The following PLAAT5 variants were observed in gnomAD, a reference collection of about 807,000 sequenced individuals.
The protein encoded by PLAAT5 is Ca(2+)-independent N-acyltransferase.
Under a neutral mutation model 27.8 loss-of-function variants are expected in PLAAT5, and 27 were observed. That is an observed-to-expected ratio of 0.97 (90% confidence interval 0.72 to 1.34). The LOEUF is 1.34. Ranked by LOEUF, PLAAT5 falls within the 40% of genes most tolerant of loss-of-function variation. The pLI, the probability that PLAAT5 is intolerant of heterozygous loss-of-function variation, is 0.00. For synonymous variants in PLAAT5, 125 were observed against 136.1 expected (o/e 0.92, Z 0.57); for missense variants, 368 against 343.8 (o/e 1.07, Z -0.56).
chr11:63,484,758 A>G (rs1290539291), intron 3 of PLAAT5, among the ~76,000 whole-genome samples: 1 of 152,230 alleles, frequency 6.6e-6, no homozygotes, highest in Non-Finnish European at 1.5e-5. Context: ...CACTTTCACC[A>G]CATTTATTCG....
intron 3 of PLAAT5, among the ~76,000 whole-genome samples, chr11:63,483,785 ATATATATATATATATGTATATAT>A (rs1357033658): frequency 0.034 from 3,020 of 88,584 alleles, 209 homozygotes; most frequent in East Asian, 0.18. Flanking sequence ...CAAAAAAAAA[ATATATATATATATATGTATATAT>A]ATATATATAT....
chr11:63,465,925 A>C lies in PLAAT5; in HGVS notation c.717+185T>G, dbSNP rs1013839107. On this transcript the variant is annotated intron_variant, in intron 5 of 5. Coordinates refer to ENST00000540857, the MANE Select transcript of PLAAT5 (RefSeq NM_001146729.2). ...TTACTATTAGCCCAGTGCCTTTTCT[A>C]CTCCTCCCTGGGTTAATAAAGGTGA... Among the ~76,000 whole-genome samples the C allele has an allele frequency of 4.6e-5, 7 of 152,012 alleles. No individual in the cohort carries two copies. The South Asian group carries it at 1.2e-3, about 27-fold the overall frequency.
intron 1 of PLAAT5, chr11:63,490,613 A>G: frequency 3.3e-6 from 2 of 603,224 alleles, no homozygotes; most frequent in East Asian, 2.9e-5. Flanking sequence ...GATGGGAGGA[A>G]CCTCTGCCGA....
chr11:63,465,107 A>G (rs1201763476), intron 5 of PLAAT5, among the ~76,000 whole-genome samples: 1 of 151,752 alleles, frequency 6.6e-6, no homozygotes, highest in Non-Finnish European at 1.5e-5. Context: ...GCAAAACCCC[A>G]TTTCTACTCA....
chr11:63,482,497 T>G (rs1361771704), intron 3 of PLAAT5, among the ~76,000 whole-genome samples: 2 of 152,202 alleles, frequency 1.3e-5, no homozygotes, highest in Non-Finnish European at 2.9e-5. Flanking sequence ...GCCAAGAATT[T>G]TGTATCCAGC....
chr11:63,483,344 A>C (rs2016329227), intron 3 of PLAAT5, among the ~76,000 whole-genome samples: 1 of 152,174 alleles, frequency 6.6e-6, no homozygotes, highest in African/African-American at 2.4e-5. Context: ...GCCAAGATAG[A>C]TCATTTGATA....
At chr11:63,490,858 T>C (rs751685117) in intron 1 of PLAAT5, 29 bp downstream of exon 1, 9 of 1,578,958 alleles carry the variant, frequency 5.7e-6, no homozygotes, top group Non-Finnish European at 7.7e-6. Flanking sequence ...AATTGCGGAT[T>C]GTCCTTCAGC....
chr11:63,466,046 A>G, intron 5 of PLAAT5, 64 bp downstream of exon 5: 1 of 1,519,914 alleles, frequency 6.6e-7, no homozygotes, highest in Non-Finnish European at 9.0e-7. Flanking sequence ...TCTGATCACT[A>G]ATGAAATGAC....
intron 3 of PLAAT5, among the ~76,000 whole-genome samples, chr11:63,482,452 C>T (rs1002640534): frequency 2.0e-5 from 3 of 152,150 alleles, no homozygotes; most frequent in Admixed American, 2.0e-4. Flanking sequence ...GGACTGGGGT[C>T]CTATCTTTAG....
chr11:63,491,150 G>A lies in PLAAT5; in HGVS notation c.-116C>T. ...CCGCGGAAGCTTGGGCACTGGGGGC[G>A]GCTCGGGGAGGAACCGCGGAGGGGA... On this transcript the variant is annotated 5_prime_UTR_variant, in exon 1 of 6. Coordinates refer to ENST00000540857, the MANE Select transcript of PLAAT5 (RefSeq NM_001146729.2). 1 of 911,012 alleles carries A rather than the reference G, an allele frequency of 1.1e-6. No homozygotes were observed. The highest frequency in any genetic ancestry group is 1.7e-5 in the African/African-American group (1 of 57,304). 56.4% of individuals were successfully genotyped at this position (911,012 alleles called of 1,614,324 possible).
intron 3 of PLAAT5, among the ~76,000 whole-genome samples, chr11:63,475,353 A>G (rs1379433616): frequency 6.6e-6 from 1 of 152,042 alleles, no homozygotes; most frequent in South Asian, 2.1e-4. Flanking sequence ...TATGTTTATA[A>G]TTGTTATATC....
At chr11:63,480,038 A>G (rs376325692) in intron 3 of PLAAT5, among the ~76,000 whole-genome samples, 2 of 152,016 alleles carry the variant, frequency 1.3e-5, no homozygotes, top group East Asian at 3.9e-4. Flanking sequence ...ACCATCCACC[A>G]TATCTAGTGG....
rs1216562528 is a variant in PLAAT5, at chr11:63,490,939, G to C, written c.96C>G (p.Thr32=). 6.2e-7 allele frequency: 1 copy of C among 1,601,356 alleles called. No individual in the cohort carries two copies. The highest frequency in any genetic ancestry group is 8.5e-7 in the Non-Finnish European group (1 of 1,174,308). ...GCGCAGGCGGCTGGTCCTTGGGCCC[G>C]GTACTGGCGGTTCGCGAGGCGGGTT... The part of the protein sequence containing the change: ...LPKPASRTAS[T]GPKDQPPALR... Residue 32 remains threonine (T), a synonymous_variant, in exon 1 of 6, where the codon ACC becomes ACG. Transcript: ENST00000540857.
chr11:63,465,505 T>C (rs112841690), intron 5 of PLAAT5, among the ~76,000 whole-genome samples: 2,525 of 151,590 alleles, frequency 0.017, 62 homozygotes, highest in African/African-American at 0.058. Flanking sequence ...GAAGAAATGG[T>C]CTTTGGCCAG....
intron 3 of PLAAT5, among the ~76,000 whole-genome samples, chr11:63,473,023 T>C (rs2016066738): frequency 6.6e-6 from 1 of 151,954 alleles, no homozygotes; most frequent in African/African-American, 2.4e-5. Context: ...GGCACGAGAA[T>C]CGCTTGAATC....
intron 3 of PLAAT5, among the ~76,000 whole-genome samples, chr11:63,475,575 C>G (rs553405246): frequency 6.6e-6 from 1 of 151,920 alleles, no homozygotes; most frequent in East Asian, 1.9e-4. Flanking sequence ...TGATCTCTGC[C>G]TTTTTTTGGT....
At chr11:63,478,645 C>G (rs930741965) in intron 3 of PLAAT5, among the ~76,000 whole-genome samples, 3 of 152,218 alleles carry the variant, frequency 2.0e-5, no homozygotes, top group African/African-American at 4.8e-5. Context: ...CCTTCTCAAT[C>G]TGTTGTATGG....
chr11:63,464,816 T>C (rs1169029867), intron 5 of PLAAT5, among the ~76,000 whole-genome samples: 1 of 152,140 alleles, frequency 6.6e-6, no homozygotes, highest in Non-Finnish European at 1.5e-5. Flanking sequence ...TACTTCTCTA[T>C]ATGGGAGGAA....
intron 3 of PLAAT5, 122 bp downstream of exon 3, chr11:63,488,749 T>C (rs2016494791): frequency 5.3e-6 from 3 of 562,406 alleles, no homozygotes; most frequent in Non-Finnish European, 9.6e-6. Context: ...ACGTTTCTTC[T>C]TCCAGTGTGG....
Sources: gnomAD v4.1 joint callset for allele counts (sites outside exome capture counted in the v4.1 genomes callset) on GRCh38, gnomAD v4.1.1 for gene constraint, MANE v1.5 for transcripts, NCBI Gene and HGNC (gene_info 2026-07-23, HGNC 2026-07-21) for gene names.